Variants in MAML2 observed in about 807,000 individuals in gnomAD.
MAML2 encodes the protein mastermind-like protein 2.
MAML2 carries 22 observed loss-of-function variants against 96.1 expected under a neutral mutation model. The observed-to-expected ratio is 0.23, with a 90% confidence interval of 0.16 to 0.33. MAML2 has a LOEUF of 0.33. MAML2 is among the 10% of genes least tolerant of loss of function. The pLI is 1.00. For missense variants in MAML2, 1,367 were observed against 1,392.4 expected (o/e 0.98, Z 0.29); for synonymous variants, 561 against 521.3 (o/e 1.08, Z -1.04).
chr11:96,191,120 C>A (rs1861646466), intron 1 of MAML2, among the ~76,000 whole-genome samples: 1 of 152,032 alleles, frequency 6.6e-6, no homozygotes, highest in African/African-American at 2.4e-5. Flanking sequence ...AAGAAAGATG[C>A]AAAGAAGTGA....
In MAML2 at chr11:96,062,198, G is replaced by C. The variant is rs1033341630; in HGVS notation, c.2139+29694C>G. 7.2e-5 allele frequency among the ~76,000 whole-genome samples: 11 copies of C among 152,002 alleles called. 1 individual carries two copies. The highest frequency in any genetic ancestry group is 7.2e-4 in the Admixed American group (11 of 15,266). On this transcript the variant is annotated intron_variant, in intron 2 of 4. Transcript: ENST00000524717. ...TTTGTGTTACATGGAGTGACTCAAA[G>C]GAAACAGAAAATTACTACAACTGTG...
chr11:96,310,891 A>G (rs913439791), intron 1 of MAML2, among the ~76,000 whole-genome samples: 1 of 152,252 alleles, frequency 6.6e-6, no homozygotes, highest in Non-Finnish European at 1.5e-5. Context: ...AATATCATTT[A>G]TGCAAATGTA....
At chr11:96,242,509 G>T (rs1293455233) in intron 1 of MAML2, among the ~76,000 whole-genome samples, 1 of 152,114 alleles carries the variant, frequency 6.6e-6, no homozygotes, top group Non-Finnish European at 1.5e-5. Context: ...ATCATAAAAG[G>T]GGGAAAACAT....
At chr11:95,998,575 G>T (rs1313972484) in intron 2 of MAML2, among the ~76,000 whole-genome samples, 3 of 152,122 alleles carry the variant, frequency 2.0e-5, no homozygotes, top group South Asian at 4.1e-4. Flanking sequence ...ACCCTGGATT[G>T]TGGGCAGTCT....
intron 1 of MAML2, among the ~76,000 whole-genome samples, chr11:96,303,641 T>C (rs1863421507): frequency 6.6e-6 from 1 of 152,172 alleles, no homozygotes. Flanking sequence ...ATCTTAGCAA[T>C]AGTGACTAGG....
intron 1 of MAML2, among the ~76,000 whole-genome samples, chr11:96,105,872 T>C (rs1216767629): frequency 1.9e-5 from 2 of 105,204 alleles, no homozygotes; most frequent in Non-Finnish European, 4.7e-5. Context: ...TTGGTTATAA[T>C]GGAAAAAAAA....
At chr11:96,029,197 A>T (rs565107006) in intron 2 of MAML2, among the ~76,000 whole-genome samples, 2 of 147,908 alleles carry the variant, frequency 1.4e-5, no homozygotes, top group East Asian at 2.0e-4. Context: ...AAATAATAAT[A>T]AAAAAAAAAC....
chr11:96,280,684 T>C (rs1047232489), intron 1 of MAML2, among the ~76,000 whole-genome samples: 1 of 152,198 alleles, frequency 6.6e-6, no homozygotes, highest in African/African-American at 2.4e-5. Context: ...ACTTACAGAC[T>C]ACCACACAAT....
intron 1 of MAML2, among the ~76,000 whole-genome samples, chr11:96,176,850 G>A (rs1431638923): frequency 6.6e-6 from 1 of 152,168 alleles, no homozygotes; most frequent in Non-Finnish European, 1.5e-5. Context: ...ACCGATAGGT[G>A]TGAGATCAAA....
intron 2 of MAML2, among the ~76,000 whole-genome samples, chr11:96,050,688 C>G (rs1222274978): frequency 2.0e-5 from 3 of 152,176 alleles, no homozygotes; most frequent in Non-Finnish European, 4.4e-5. Context: ...CTGCAAATAC[C>G]TGCTGGCTAT....
chr11:95,991,439 C>T (rs1292930244), intron 3 of MAML2, 81 bp downstream of exon 3: 3 of 1,288,670 alleles, frequency 2.3e-6, no homozygotes, highest in Admixed American at 1.7e-5. Flanking sequence ...TAAGTAGGCA[C>T]AGTAAATATA....
intron 2 of MAML2, among the ~76,000 whole-genome samples, chr11:96,037,188 T>TA (rs200993531): frequency 0.1 from 15,299 of 148,130 alleles, 987 homozygotes; most frequent in East Asian, 0.24. Flanking sequence ...AAATAAAAAA[T>TA]AAAAAAACAA....
chr11:96,312,374 C>T (rs1863555576), intron 1 of MAML2, among the ~76,000 whole-genome samples: 1 of 151,960 alleles, frequency 6.6e-6, no homozygotes, highest in South Asian at 2.1e-4. Context: ...AATGAGAATC[C>T]AGATAGGTGG....
intron 1 of MAML2, among the ~76,000 whole-genome samples, chr11:96,123,605 A>T (rs1458350401): frequency 6.6e-6 from 1 of 152,230 alleles, no homozygotes; most frequent in Non-Finnish European, 1.5e-5. Flanking sequence ...CCTGCTTTAT[A>T]GTAAGGTTGC....
chr11:96,299,974 T>G (rs493947), intron 1 of MAML2, among the ~76,000 whole-genome samples: 152,305 of 152,306 alleles, frequency 1, 76,152 homozygotes, highest in Middle Eastern at 1. Flanking sequence ...AGTTTAGTTT[T>G]GGGAAAGCAG....
intron 1 of MAML2, among the ~76,000 whole-genome samples, chr11:96,146,566 C>T (rs1327959123): frequency 6.6e-6 from 1 of 152,154 alleles, no homozygotes; most frequent in Non-Finnish European, 1.5e-5. Flanking sequence ...ACTGTGTGAG[C>T]TGATCACACC....
chr11:96,221,998 A>C (rs898586522), intron 1 of MAML2, among the ~76,000 whole-genome samples: 3 of 151,928 alleles, frequency 2.0e-5, no homozygotes, highest in Admixed American at 6.6e-5. Context: ...CTACTTTGTC[A>C]TATATTAATT....
At chr11:96,190,987 C>T (rs1286788262) in intron 1 of MAML2, among the ~76,000 whole-genome samples, 1 of 152,152 alleles carries the variant, frequency 6.6e-6, no homozygotes, top group Non-Finnish European at 1.5e-5. Context: ...CTTGTCACAC[C>T]ATATTGGCAA....
At chr11:95,985,482 T>C (rs747084371) in intron 4 of MAML2, 49 bp downstream of exon 4, 7 of 1,163,166 alleles carry the variant, frequency 6.0e-6, no homozygotes, top group Admixed American at 5.1e-5. Flanking sequence ...ATTGAAGTTT[T>C]TTTTTCCTTT....
Sources: gnomAD v4.1 joint callset for allele counts (sites outside exome capture counted in the v4.1 genomes callset) on GRCh38, gnomAD v4.1.1 for gene constraint, MANE v1.5 for transcripts, NCBI Gene and HGNC (gene_info 2026-07-23, HGNC 2026-07-21) for gene names.